Variants in TINAG observed in about 807,000 individuals in gnomAD.
TINAG encodes the protein tubulointerstitial nephritis antigen.
TINAG carries 83 observed loss-of-function variants against 72.7 expected under a neutral mutation model. The ratio of observed to expected loss-of-function variants is 1.14; its 90% CI spans 0.96 to 1.37. The LOEUF is 1.37. Among genes scored for constraint, TINAG ranks in the 40% most tolerant of loss-of-function variants. The pLI is 0.00. For synonymous variants in TINAG, 234 were observed against 189.9 expected, an observed-to-expected ratio of 1.23 and a Z score of -1.91; for missense variants, 685 against 576.6, an observed-to-expected ratio of 1.19 and a Z score of -1.93.
chr6:54,367,769 A>G (rs978875555), intron 9 of TINAG, among the ~76,000 whole-genome samples: 2 of 151,828 alleles, frequency 1.3e-5, no homozygotes, highest in Non-Finnish European at 2.9e-5. Context: ...CTGCTGTAAC[A>G]AAAATATCAT....
chr6:54,384,134 G>A (rs574523935), intron 10 of TINAG, among the ~76,000 whole-genome samples: 39 of 152,002 alleles, frequency 2.6e-4, no homozygotes, highest in Non-Finnish European at 4.7e-4. Context: ...GTTCTCACTC[G>A]TAAGTGAGAG....
intron 9 of TINAG, among the ~76,000 whole-genome samples, chr6:54,356,404 G>C (rs1417180115): frequency 6.6e-6 from 1 of 151,784 alleles, no homozygotes; most frequent in Non-Finnish European, 1.5e-5. Context: ...GGGCATGGTT[G>C]CAGACACCTG....
rs561551705 is a variant in TINAG at position 54,332,067 on chromosome 6, T to A, written c.624+5151T>A. Among the ~76,000 whole-genome samples, 12 of 152,320 alleles carry A rather than the reference T, an allele frequency of 7.9e-5. 1 individual carries two copies. Among genetic ancestry groups the A allele is most frequent in the African/African-American group, 2.9e-4 (12 of 41,580 alleles). ...CTAAAGTTATTTATAGATTCCATGC[T>A]ATTCCCATCAAGCTACCATGGACTT... is the stretch of plus-strand genomic sequence containing the variant. On this transcript the variant is annotated intron_variant, in intron 4 of 10. Coordinates refer to ENST00000259782, the MANE Select transcript of TINAG (RefSeq NM_014464.4).
rs1785014874 is a variant in TINAG at position 54,342,278 on chromosome 6, CA to C, written c.625-944del. Among the ~76,000 whole-genome samples, 3 of 151,560 alleles carry C rather than the reference CA, an allele frequency of 2.0e-5. No homozygotes were observed. The South Asian group carries it at 6.3e-4, about 32-fold the overall frequency. On this transcript the variant is annotated intron_variant, in intron 4 of 10. Coordinates refer to ENST00000259782, the MANE Select transcript of TINAG (RefSeq NM_014464.4). ...GTTGGCTTCTTGGAAAGATGGCAGCCAAAACAGACTTTGTCAGGGCTTTAAC... is the reference window on the plus strand; with the variant it reads ...GTTGGCTTCTTGGAAAGATGGCAGCCAAACAGACTTTGTCAGGGCTTTAAC...
intron 3 of TINAG, among the ~76,000 whole-genome samples, chr6:54,324,986 C>T (rs1013498694): frequency 3.3e-5 from 5 of 152,290 alleles, no homozygotes; most frequent in Admixed American, 6.5e-5. Flanking sequence ...GTGTCCCTAT[C>T]CTCTCTCCTA....
At position 54,313,685 on chromosome 6, in the gene TINAG, T is replaced by A. The variant is rs1784309654; in HGVS notation, c.355+4780T>A. ...GAAGTGGGAGGCCTAGTAAATATTG[T>A]TTGAATTTGGATTAATTGATATTTA... On this transcript the variant is annotated intron_variant, in intron 1 of 10. Transcript: ENST00000259782. 2.6e-5 allele frequency among the ~76,000 whole-genome samples: 4 copies of A among 152,136 alleles called. No homozygotes were observed. In the South Asian group the frequency reaches 8.3e-4, roughly 31 times the overall value.
intron 1 of TINAG, among the ~76,000 whole-genome samples, chr6:54,310,106 T>TGTGTGTGTGTGA (rs1331616968): frequency 2.0e-5 from 3 of 150,266 alleles, no homozygotes; most frequent in Non-Finnish European, 4.5e-5. Flanking sequence ...TGTGTGTGTG[T>TGTGTGTGTGTGA]GAGTCTTGCT....
rs370907765 is a variant in TINAG at position 54,330,395 on chromosome 6, C to G, written c.624+3479C>G. ...AAATTAAGTCAGAAATAAATAAGTT[C>G]TTTGAAACAAATGAGAACAAAGACA... On this transcript the variant is annotated intron_variant, in intron 4 of 10. Transcript: ENST00000259782. Among the ~76,000 whole-genome samples, 3 of 152,222 alleles carry G rather than the reference C, an allele frequency of 2.0e-5. No individual in the cohort carries two copies. The East Asian group carries it at 5.8e-4, about 29-fold the overall frequency.
In TINAG at chr6:54,364,410, G is replaced by A. The variant is rs529265599; in HGVS notation, c.1250+9774G>A. The stretch of plus-strand genomic sequence containing the variant: ...AAAATGACAGAAAGACTGATAAATG[G>A]CATAAGACTGATAAAAGGAGAGAAT... On this transcript the variant is annotated intron_variant, in intron 9 of 10. Coordinates refer to ENST00000259782, the MANE Select transcript of TINAG (RefSeq NM_014464.4). 2.1e-3 allele frequency among the ~76,000 whole-genome samples: 315 copies of A among 151,532 alleles called. 1 individual carries two copies. Among genetic ancestry groups the A allele is most frequent in the Admixed American group, 3.4e-3 (52 of 15,142 alleles).
At chr6:54,356,659 TAGAA>T (rs979331812) in intron 9 of TINAG, among the ~76,000 whole-genome samples, 38 of 152,000 alleles carry the variant, frequency 2.5e-4, no homozygotes, top group Non-Finnish European at 5.0e-4. Context: ...CAAACAAAAA[TAGAA>T]AGACAATATA....
chr6:54,379,309 CCCAG>C (rs1763874777), intron 9 of TINAG, among the ~76,000 whole-genome samples: 2 of 152,118 alleles, frequency 1.3e-5, no homozygotes, highest in African/African-American at 4.8e-5. Context: ...CTCAACACTT[CCCAG>C]TGTATGATAT....
At chr6:54,361,174 G>C (rs1562173423) in intron 9 of TINAG, among the ~76,000 whole-genome samples, 2 of 150,930 alleles carry the variant, frequency 1.3e-5, no homozygotes, top group Non-Finnish European at 3.0e-5. Context: ...TTTTCCTTAG[G>C]CCTATCTATT....
At chr6:54,380,426 A>C (rs1459587423) in intron 9 of TINAG, 100 bp from the exon 10 acceptor site, 33 of 963,908 alleles carry the variant, frequency 3.4e-5, no homozygotes, top group Non-Finnish European at 5.0e-5. Flanking sequence ...GGACAGAGAG[A>C]AAGCACAAAA....
chr6:54,383,628 A>C (rs1225795283), intron 10 of TINAG, among the ~76,000 whole-genome samples: 6 of 152,134 alleles, frequency 3.9e-5, no homozygotes, highest in African/African-American at 1.4e-4. Flanking sequence ...GTGAAGCAGA[A>C]AGATGTGACC....
chr6:54,325,064 T>C (rs957386858), intron 3 of TINAG, among the ~76,000 whole-genome samples: 27 of 152,232 alleles, frequency 1.8e-4, no homozygotes, highest in Admixed American at 1.4e-3. Context: ...CATGCTTTGC[T>C]CAAGAGTTAC....
chr6:54,331,260 T>G (rs1006829809), intron 4 of TINAG, among the ~76,000 whole-genome samples: 1 of 152,154 alleles, frequency 6.6e-6, no homozygotes, highest in Non-Finnish European at 1.5e-5. Context: ...TTATCCACCA[T>G]GACGAAGTCG....
At chr6:54,360,036 T>C (rs1763174899) in intron 9 of TINAG, among the ~76,000 whole-genome samples, 1 of 151,786 alleles carries the variant, frequency 6.6e-6, no homozygotes, top group African/African-American at 2.4e-5. Flanking sequence ...TTCTATCAAG[T>C]GCCCAGAACT....
intron 4 of TINAG, among the ~76,000 whole-genome samples, chr6:54,329,506 G>A (rs1466686277): frequency 6.6e-6 from 1 of 152,102 alleles, no homozygotes; most frequent in Non-Finnish European, 1.5e-5. Flanking sequence ...ACTGGTACCA[G>A]CCACTGCAAA....
chr6:54,354,657 T>G, intron 9 of TINAG, 21 bp downstream of exon 9: 2 of 1,598,516 alleles, frequency 1.3e-6, no homozygotes, highest in South Asian at 1.1e-5. Context: ...TAAACAAAAT[T>G]CATTTAATTC....
Sources: allele counts gnomAD v4.1 joint callset (sites outside exome capture counted in the v4.1 genomes callset), GRCh38; gene constraint gnomAD v4.1.1; transcripts MANE v1.5; gene names NCBI Gene and HGNC (gene_info 2026-07-23, HGNC 2026-07-21).